The following EVC2 variants were observed in gnomAD, a reference collection of about 807,000 sequenced individuals.
EVC2 encodes the protein EvC ciliary complex subunit 2.
In EVC2, 148 loss-of-function variants were observed where a neutral mutation model predicts 149.3. That is an observed-to-expected ratio of 0.99 (90% confidence interval 0.87 to 1.14). The LOEUF (loss-of-function observed/expected upper bound fraction) is 1.14, where lower values mean the gene tolerates loss of function less well. Ranked by LOEUF, EVC2 falls within the 50% of genes most tolerant of loss-of-function variation. The pLI, the probability that EVC2 is intolerant of heterozygous loss-of-function variation, is 0.00. For missense variants in EVC2, 1,854 were observed against 1,627.3 expected (o/e 1.14, Z -2.40); for synonymous variants, 776 against 649.9 (o/e 1.19, Z -2.95).
At chr4:5,583,198 T>C (rs953641678) in intron 17 of EVC2, among the ~76,000 whole-genome samples, 1 of 152,228 alleles carries the variant, frequency 6.6e-6, no homozygotes, top group East Asian at 1.9e-4. Context: ...CTTATATTTC[T>C]AGAATAAACC....
At chr4:5,552,667 T>C (rs990397620) in intron 21 of EVC2, among the ~76,000 whole-genome samples, 6 of 152,114 alleles carry the variant, frequency 3.9e-5, no homozygotes, top group African/African-American at 7.2e-5. Flanking sequence ...CAGTTGCCTT[T>C]GATTGGTGCC....
At chr4:5,632,147 C>T (rs954573081) in intron 10 of EVC2, 115 bp from the exon 11 acceptor site, 9 of 1,356,298 alleles carry the variant, frequency 6.6e-6, no homozygotes, top group Admixed American at 2.1e-5. Context: ...CATGAACACA[C>T]AGATGCATGC....
intron 4 of EVC2, 35 bp from the exon 5 acceptor site, chr4:5,689,378 G>T (rs1720952030): frequency 1.9e-6 from 3 of 1,611,900 alleles, no homozygotes; most frequent in Non-Finnish European, 2.5e-6. Flanking sequence ...GGGCAGATTT[G>T]CTGACAAGTC....
Position 5,637,355 on chromosome 4 carries a change from G to C in EVC2, c.1470+3159C>G, listed in dbSNP as rs1487256589. 1.3e-5 allele frequency among the ~76,000 whole-genome samples: 2 copies of C among 152,168 alleles called. No homozygotes were observed. Among genetic ancestry groups the C allele is most frequent in the Non-Finnish European group, 2.9e-5 (2 of 68,038 alleles). On this transcript the variant is annotated intron_variant, in intron 10 of 21. Transcript: ENST00000344408. This position sits in a 1 kb window ranked among gnomAD's most constrained non-coding sequence, Gnocchi z 4.4. ...CATGCTGCTGGACATGAGGCTGACT[G>C]TCCTCGGGCAGGTGAACCTTCCCCA...
At position 5,613,893 on chromosome 4, in the gene EVC2, T is replaced by C. The variant is rs1257039796; in HGVS notation, c.2829+1529A>G. On this transcript the variant is annotated intron_variant, in intron 16 of 21. Transcript: ENST00000344408. The surrounding 1 kb of genome is among the most constrained non-coding windows in gnomAD (Gnocchi z 4.6). ...CCTGGACACACCTGATGGGAGACAC[T>C]GAGCCCAGAGCAGTTTCTATGGCTC... is the stretch of plus-strand genomic sequence containing the variant. Among the ~76,000 whole-genome samples, 3 of 152,172 alleles carry C rather than the reference T, an allele frequency of 2.0e-5. No individual in the cohort carries two copies. The highest frequency in any genetic ancestry group is 4.4e-5 in the Non-Finnish European group (3 of 68,036).
intron 11 of EVC2, among the ~76,000 whole-genome samples, chr4:5,630,460 C>A (rs1716451393): frequency 6.6e-6 from 1 of 152,144 alleles, no homozygotes; most frequent in African/African-American, 2.4e-5. Flanking sequence ...CCCTGATTCA[C>A]CCTAGATGGA....
intron 4 of EVC2, among the ~76,000 whole-genome samples, chr4:5,690,467 G>C (rs1428100867): frequency 6.7e-6 from 1 of 150,208 alleles, no homozygotes; most frequent in African/African-American, 2.5e-5. Flanking sequence ...TGATGCCAAT[G>C]AGTTGTGATG....
At chr4:5,574,843 T>G in intron 18 of EVC2, 71 bp from the exon 19 acceptor site, 1 of 1,454,648 alleles carries the variant, frequency 6.9e-7, no homozygotes. Flanking sequence ...ATCTAGTTAT[T>G]TAAATAACAA....
At chr4:5,621,218 C>T (rs1560170935) in intron 14 of EVC2, among the ~76,000 whole-genome samples, 1 of 152,150 alleles carries the variant, frequency 6.6e-6, no homozygotes, top group East Asian at 1.9e-4. Context: ...TGGAGGCCAG[C>T]AAGATTCTAG....
intron 16 of EVC2, among the ~76,000 whole-genome samples, chr4:5,594,977 GATGAA>G (rs1713241047): frequency 6.6e-6 from 1 of 152,166 alleles, no homozygotes; most frequent in Non-Finnish European, 1.5e-5. Context: ...AGTGACGGAA[GATGAA>G]ATGAATGAAA....
At chr4:5,544,264 A>G (rs1721571106) in intron 21 of EVC2, among the ~76,000 whole-genome samples, 1 of 151,744 alleles carries the variant, frequency 6.6e-6, no homozygotes, top group Admixed American at 6.6e-5. Context: ...AAAAAAAAAG[A>G]GAGAAAATTC....
the EVC2 span, among the ~76,000 whole-genome samples, chr4:5,530,524 C>T: frequency 5.9e-4 from 89 of 151,242 alleles, no homozygotes; most frequent in Non-Finnish European, 1.1e-3. Flanking sequence ...ACAGTTACCG[C>T]GTGTGTGTGT....
At chr4:5,575,437 C>T (rs766555916) in intron 18 of EVC2, among the ~76,000 whole-genome samples, 7 of 152,198 alleles carry the variant, frequency 4.6e-5, no homozygotes, top group Non-Finnish European at 8.8e-5. Flanking sequence ...GATGGGGCCC[C>T]CTCACAATTA....
rs1453329419 is a variant in EVC2, at chr4:5,665,508, G to C, written c.1005+7C>G. 2 of 1,614,072 alleles carry C rather than the reference G, an allele frequency of 1.2e-6. No homozygotes were observed. The highest frequency in any genetic ancestry group is 1.7e-6 in the Non-Finnish European group (2 of 1,180,008). ...CACCTTCCAAACCACCCTCAGGGAA[G>C]ACTCACCCGATGTCTGGTGAGCATG... On this transcript the variant is annotated splice_region_variant and intron_variant, in intron 8 of 21. Transcript: ENST00000344408.
intron 16 of EVC2, among the ~76,000 whole-genome samples, chr4:5,592,903 A>C (rs1712949746): frequency 6.6e-6 from 1 of 152,128 alleles, no homozygotes; most frequent in African/African-American, 2.4e-5. Context: ...CACATCTTGA[A>C]TTGTAGTTCT....
Position 5,633,233 on chromosome 4 carries a change from C to T in EVC2, c.1471-1201G>A, listed in dbSNP as rs1206792655. On this transcript the variant is annotated intron_variant, in intron 10 of 21. Transcript: ENST00000344408. This position sits in a 1 kb window ranked among gnomAD's most constrained non-coding sequence, Gnocchi z 4.4. The stretch of plus-strand genomic sequence containing the variant: ...ACAAAGAAGTGAGTTCTGCAAACAG[C>T]TTGAATGAGCTTGGACCAGGACCCC... Among the ~76,000 whole-genome samples, 1 of 152,164 alleles carries T rather than the reference C, an allele frequency of 6.6e-6. No individual in the cohort carries two copies. Among genetic ancestry groups the T allele is most frequent in the Non-Finnish European group, 1.5e-5 (1 of 68,042 alleles).
chr4:5,547,162 A>C (rs1721638508), intron 21 of EVC2, among the ~76,000 whole-genome samples: 3 of 152,322 alleles, frequency 2.0e-5, no homozygotes, highest in South Asian at 4.1e-4. Context: ...TCTCAGAGCA[A>C]AGTCAGGGCC....
intron 7 of EVC2, among the ~76,000 whole-genome samples, chr4:5,672,485 G>A (rs1425130740): frequency 6.6e-6 from 1 of 152,170 alleles, no homozygotes; most frequent in Admixed American, 6.5e-5. Flanking sequence ...GAGAAATAGG[G>A]GGCATGAAAA....
At chr4:5,665,765 T>A in intron 7 of EVC2, 116 bp from the exon 8 acceptor site, 5 of 1,466,166 alleles carry the variant, frequency 3.4e-6, no homozygotes, top group Non-Finnish European at 3.7e-6. Context: ...CTCGCTTGCA[T>A]TTGAGTCTCG....
Sources: gnomAD v4.1 joint callset for allele counts (sites outside exome capture counted in the v4.1 genomes callset) on GRCh38, gnomAD v4.1.1 for gene constraint, Gnocchi (gnomAD v3.1) non-coding constraint, MANE v1.5 for transcripts, NCBI Gene and HGNC (gene_info 2026-07-23, HGNC 2026-07-21) for gene names.